Variants in PCDHGB6 observed in about 807,000 individuals in gnomAD.
PCDHGB6 encodes protocadherin gamma-B6.
A neutral mutation model predicts 59.1 loss-of-function variants in PCDHGB6; 51 were observed. That is an observed-to-expected ratio of 0.86 (90% CI 0.69 to 1.09). PCDHGB6 has a LOEUF of 1.09. Among genes scored for constraint, PCDHGB6 ranks in the 50% least tolerant of loss-of-function variants. PCDHGB6 has a pLI of 0.00. For missense variants in PCDHGB6, 1,148 were observed against 1,205.1 expected, an observed-to-expected ratio of 0.95 and a Z score of 0.70; for synonymous variants, 466 against 495.1, an observed-to-expected ratio of 0.94 and a Z score of 0.78.
intron 1 of PCDHGB6, among the ~76,000 whole-genome samples, chr5:141,448,614 A>G (rs985924011): frequency 1.3e-5 from 2 of 152,070 alleles, no homozygotes; most frequent in East Asian, 1.9e-4. Flanking sequence ...ACCACTTTAT[A>G]TCTTCCTTTC....
At chr5:141,433,877 A>G (rs1481965040) in intron 1 of PCDHGB6, among the ~76,000 whole-genome samples, 5 of 151,470 alleles carry the variant, frequency 3.3e-5, no homozygotes, top group Admixed American at 6.6e-5. Context: ...AGTTTCATCC[A>G]TTGATGACAC....
rs553772792 is a variant in PCDHGB6, at chr5:141,444,542, G to A, written c.2418+33922G>A. ...AGGTGAGACAGTGACTGTGTCTAGT[G>A]AGCAAAAGGCACTTATTTGACACTT... On this transcript the variant is annotated intron_variant, in intron 1 of 3. Coordinates refer to ENST00000520790, the MANE Select transcript of PCDHGB6 (RefSeq NM_018926.3). 3.3e-5 allele frequency among the ~76,000 whole-genome samples: 5 copies of A among 152,156 alleles called. No individual in the cohort carries two copies. The East Asian group carries it at 7.7e-4, about 24-fold the overall frequency.
intron 1 of PCDHGB6, among the ~76,000 whole-genome samples, chr5:141,461,711 C>A (rs897443905): frequency 1.3e-5 from 2 of 152,112 alleles, no homozygotes; most frequent in African/African-American, 2.4e-5. Flanking sequence ...ACTTTTTTTG[C>A]CCAGGCTGGA....
At position 141,486,785 on chromosome 5, in the gene PCDHGB6, C is replaced by T. The variant is rs763174232; in HGVS notation, c.2419-8022C>T. 1.2e-5 allele frequency: 20 copies of T among 1,614,102 alleles called. No homozygotes were observed. The highest frequency in any genetic ancestry group is 5.3e-5 in the African/African-American group (4 of 74,936). On this transcript the variant is annotated intron_variant, in intron 1 of 3. Transcript: ENST00000520790. This position sits in a 1 kb window ranked among gnomAD's most constrained non-coding sequence, Gnocchi z 5.0. ...GACACTGCAGTTTGAGGTGCAGGCC[C>T]GGGATCGGGGCAACCCACCCCTTAG...
chr5:141,504,078 C>T (rs1333392062), intron 2 of PCDHGB6, among the ~76,000 whole-genome samples: 1 of 152,078 alleles, frequency 6.6e-6, no homozygotes, highest in Non-Finnish European at 1.5e-5. Flanking sequence ...CCAGATGGTG[C>T]CAAACAGTTA....
rs371821042 is a variant in PCDHGB6, at chr5:141,421,764, T to C, written c.2418+11144T>C. The C allele has an allele frequency of 8.7e-6, 14 of 1,613,782 alleles. No individual in the cohort carries two copies. The African/African-American group carries it at 1.5e-4, about 17-fold the overall frequency. ...ACCAGCTCAGCCCTAATAATTACTT[T>C]TCCTTGCAACTGCGGGGCAGAACGG... On this transcript the variant is annotated intron_variant, in intron 1 of 3. Transcript: ENST00000520790.
chr5:141,415,507 A>G, intron 1 of PCDHGB6: 1 of 1,614,156 alleles, frequency 6.2e-7, no homozygotes, highest in Admixed American at 1.7e-5. Context: ...CCCCCAGCCC[A>G]ATTATGCGGA....
intron 2 of PCDHGB6, among the ~76,000 whole-genome samples, chr5:141,497,920 C>T (rs548251626): frequency 6.6e-6 from 1 of 152,336 alleles, no homozygotes; most frequent in East Asian, 1.9e-4. Flanking sequence ...CTCCTTCATT[C>T]ATTCAACAAA....
chr5:141,459,105 T>C (rs904382532), intron 1 of PCDHGB6, among the ~76,000 whole-genome samples: 7 of 152,208 alleles, frequency 4.6e-5, no homozygotes, highest in Non-Finnish European at 7.4e-5. Flanking sequence ...GCAATGCATT[T>C]TGACAATTGT....
chr5:141,438,591 C>CATATATATATAT (rs946798767), intron 1 of PCDHGB6, among the ~76,000 whole-genome samples: 3 of 75,560 alleles, frequency 4.0e-5, no homozygotes, highest in Non-Finnish European at 5.4e-5. Flanking sequence ...TACATACATA[C>CATATATATATAT]ATATATATAT....
chr5:141,501,141 A>G (rs940603527), intron 2 of PCDHGB6, among the ~76,000 whole-genome samples: 8 of 152,184 alleles, frequency 5.3e-5, no homozygotes, highest in Admixed American at 5.2e-4. Context: ...TGCTGGGATT[A>G]CAGGTGGGAG....
intron 1 of PCDHGB6, chr5:141,422,655 C>G (rs188587553): frequency 1.2e-6 from 2 of 1,610,122 alleles, no homozygotes; most frequent in South Asian, 2.2e-5. Context: ...TCTCAGTGAC[C>G]GCCCTCGACC....
chr5:141,503,924 G>C (rs1282755998), intron 2 of PCDHGB6, among the ~76,000 whole-genome samples: 1 of 152,146 alleles, frequency 6.6e-6, no homozygotes, highest in Non-Finnish European at 1.5e-5. Flanking sequence ...CACACACACA[G>C]ACATTTTCAT....
intron 1 of PCDHGB6, among the ~76,000 whole-genome samples, chr5:141,437,983 A>G (rs544812394): frequency 4.6e-5 from 7 of 151,938 alleles, no homozygotes; most frequent in Admixed American, 2.6e-4. Context: ...GGATGCACCC[A>G]CCCCACCTCA....
intron 1 of PCDHGB6, chr5:141,419,008 G>T: frequency 6.2e-7 from 1 of 1,613,978 alleles, no homozygotes; most frequent in Non-Finnish European, 8.5e-7. Flanking sequence ...GGGAAGTCAG[G>T]TGTAGCTTAA....
Position 141,510,938 on chromosome 5 carries a change from T to A in PCDHGB6, c.2567-9T>A. 1 of 1,614,026 alleles carries A rather than the reference T, an allele frequency of 6.2e-7. No homozygotes were observed. Among genetic ancestry groups the A allele is most frequent in the Non-Finnish European group, 8.5e-7 (1 of 1,179,984 alleles). ...TTAGCTCCCACCTGATCTTCCTCTG[T>A]CTCTGCAGAAGCTGCTGATGGGAGC... On this transcript the variant is annotated splice_polypyrimidine_tract_variant and intron_variant, in intron 3 of 3. Coordinates refer to ENST00000520790, the MANE Select transcript of PCDHGB6 (RefSeq NM_018926.3).
chr5:141,431,571 A>T lies in PCDHGB6; in HGVS notation c.2418+20951A>T, dbSNP rs781289120. 1.2e-6 allele frequency: 2 copies of T among 1,614,026 alleles called. No homozygotes were observed. Among genetic ancestry groups the T allele is most frequent in the African/African-American group, 1.3e-5 (1 of 74,938 alleles). On this transcript the variant is annotated intron_variant, in intron 1 of 3. Coordinates refer to ENST00000520790, the MANE Select transcript of PCDHGB6 (RefSeq NM_018926.3). This position sits in a 1 kb window ranked among gnomAD's most constrained non-coding sequence, Gnocchi z 4.8. ...GTAGTCAACGCTACCGACCCTGACG[A>T]AGGAGTCAATGCGGAAGTGAGGTAT...
In PCDHGB6 at chr5:141,415,757, T is replaced by G. The variant is rs765276447; in HGVS notation, c.2418+5137T>G. The G allele has an allele frequency of 5.6e-3, 7,497 of 1,346,942 alleles. 12 individuals are homozygous for G. The highest frequency in any genetic ancestry group is 0.012 in the East Asian group (422 of 35,004). The allele number at this position is 1,346,942 out of a possible 1,614,324, so 83.4% of individuals were successfully genotyped here. A position where few individuals can be genotyped will look rare whatever the true frequency, so the allele number is the denominator to read the frequency against. ...TTATTAAGGTTTTTTTTTTTTTTTT[T>G]TTTTTTTTTTTTTTTACTTTCTGGT... On this transcript the variant is annotated intron_variant, in intron 1 of 3. Coordinates refer to ENST00000520790, the MANE Select transcript of PCDHGB6 (RefSeq NM_018926.3).
In PCDHGB6 at chr5:141,409,944, C is replaced by T. The variant is rs779095634; in HGVS notation, c.1742C>T (p.Ser581Phe). The T allele has an allele frequency of 6.2e-7, 1 of 1,613,302 alleles. No individual in the cohort carries two copies. The highest frequency in any genetic ancestry group is 1.7e-5 in the Admixed American group (1 of 60,024). Residue 581 changes from serine (S) to phenylalanine (F), a missense_variant, in exon 1 of 4, where the codon TCT becomes TTT. Transcript: ENST00000520790. ...GCGTTCTTCGATATGGTACCTCGCTCTGCAGAGCCCGGCTACCTAGTGACT... is the reference window on the plus strand; with the variant it reads ...GCGTTCTTCGATATGGTACCTCGCTTTGCAGAGCCCGGCTACCTAGTGACT... ...GSAFFDMVPRSAEPGYLVTKV... is the reference protein window; with the variant it reads ...GSAFFDMVPRFAEPGYLVTKV...
Sources: gnomAD v4.1 joint callset for allele counts (sites outside exome capture counted in the v4.1 genomes callset) on GRCh38, gnomAD v4.1.1 for gene constraint, Gnocchi (gnomAD v3.1) non-coding constraint, MANE v1.5 for transcripts, NCBI Gene and HGNC (gene_info 2026-07-23, HGNC 2026-07-21) for gene names.